The following MAGI2 variants were observed in gnomAD, a reference collection of about 807,000 sequenced individuals.
MAGI2 encodes the protein membrane associated guanylate kinase, WW and PDZ domain containing 2, also known as membrane-associated guanylate kinase, WW and PDZ domain-containing protein 2.
A neutral mutation model predicts 133.3 loss-of-function variants in MAGI2; 35 were observed. The ratio of observed to expected loss-of-function variants is 0.26; its 90% CI spans 0.20 to 0.35. MAGI2 has a LOEUF of 0.35. Ranked by LOEUF, MAGI2 falls within the 10% of genes least tolerant of loss-of-function variation. The pLI, the probability that MAGI2 is intolerant of heterozygous loss-of-function variation, is 1.00. For synonymous variants in MAGI2, 729 were observed against 710.6 expected, an observed-to-expected ratio of 1.03 and a Z score of -0.41; for missense variants, 1,636 against 1,863.4, an observed-to-expected ratio of 0.88 and a Z score of 2.25.
At chr7:78,227,277 C>T (rs184740137) in intron 10 of MAGI2, among the ~76,000 whole-genome samples, 4 of 152,334 alleles carry the variant, frequency 2.6e-5, no homozygotes, top group Admixed American at 2.6e-4. Context: ...CTACACTGGT[C>T]ATCATCATTG....
chr7:78,452,070 T>G (rs2151485306), intron 6 of MAGI2, among the ~76,000 whole-genome samples: 1 of 152,210 alleles, frequency 6.6e-6, no homozygotes, highest in Admixed American at 6.6e-5. Flanking sequence ...GACTATGATG[T>G]TGATGATAGA....
intron 1 of MAGI2, among the ~76,000 whole-genome samples, chr7:79,335,672 A>G: frequency 6.6e-6 from 1 of 152,126 alleles, no homozygotes; most frequent in East Asian, 1.9e-4. Context: ...TTAGTGGACA[A>G]AAGATGGGTA....
At chr7:79,325,950 G>T (rs946618954) in intron 1 of MAGI2, among the ~76,000 whole-genome samples, 60 of 152,092 alleles carry the variant, frequency 3.9e-4, no homozygotes, top group Non-Finnish European at 6.6e-4. Context: ...GAATAGGGGG[G>T]TTCTGCACTT....
intron 1 of MAGI2, among the ~76,000 whole-genome samples, chr7:79,163,683 A>G (rs1016006744): frequency 5.9e-5 from 9 of 152,088 alleles, no homozygotes; most frequent in Admixed American, 2.0e-4. Context: ...TGTGAGTCTG[A>G]TCAAAGAATA....
intron 10 of MAGI2, among the ~76,000 whole-genome samples, chr7:78,221,720 C>T (rs1788846486): frequency 6.6e-6 from 1 of 151,804 alleles, no homozygotes; most frequent in African/African-American, 2.4e-5. Flanking sequence ...AGGCCAGGTG[C>T]AGTGGCTCAC....
At chr7:78,827,973 C>G (rs1227727194) in intron 2 of MAGI2, among the ~76,000 whole-genome samples, 1 of 152,196 alleles carries the variant, frequency 6.6e-6, no homozygotes, top group Non-Finnish European at 1.5e-5. Flanking sequence ...CAACCTCCGC[C>G]TCCCAGGTTC....
intron 1 of MAGI2, among the ~76,000 whole-genome samples, chr7:79,249,483 T>C (rs536257996): frequency 5.3e-5 from 8 of 152,146 alleles, no homozygotes; most frequent in East Asian, 3.9e-4. Flanking sequence ...ATCATTAACA[T>C]AGAAATTCAA....
chr7:78,912,550 A>C (rs981023629), intron 2 of MAGI2, among the ~76,000 whole-genome samples: 5 of 151,950 alleles, frequency 3.3e-5, no homozygotes, highest in African/African-American at 1.2e-4. Flanking sequence ...AGATTGGCTT[A>C]GCCTTCCAGC....
intron 2 of MAGI2, among the ~76,000 whole-genome samples, chr7:78,784,008 G>C (rs992828518): frequency 2.6e-5 from 4 of 152,176 alleles, no homozygotes; most frequent in Admixed American, 1.3e-4. Context: ...AAAAAAAGAA[G>C]TTGACATGTT....
chr7:78,188,784 G>A (rs556728706), intron 12 of MAGI2, among the ~76,000 whole-genome samples: 3 of 152,252 alleles, frequency 2.0e-5, no homozygotes, highest in East Asian at 3.9e-4. Flanking sequence ...TGGCATCCAT[G>A]AATTTATTTA....
intron 10 of MAGI2, among the ~76,000 whole-genome samples, chr7:78,226,334 A>AAAG (rs1789384217): frequency 1.3e-5 from 2 of 151,986 alleles, no homozygotes; most frequent in South Asian, 4.2e-4. Context: ...AAAAAAAAAA[A>AAAG]AAAAGTGGCC....
intron 1 of MAGI2, among the ~76,000 whole-genome samples, chr7:79,036,356 A>G (rs568363026): frequency 8.5e-5 from 13 of 152,290 alleles, no homozygotes; most frequent in African/African-American, 2.6e-4. Context: ...CTTTCACCCA[A>G]TTCATCCCCA....
intron 3 of MAGI2, among the ~76,000 whole-genome samples, chr7:78,580,894 C>G (rs1388703206): frequency 6.6e-6 from 1 of 152,180 alleles, no homozygotes; most frequent in African/African-American, 2.4e-5. Flanking sequence ...ACATCCCACA[C>G]CCTTCCCCAT....
intron 15 of MAGI2, among the ~76,000 whole-genome samples, chr7:78,164,116 C>T (rs988462563): frequency 6.6e-6 from 1 of 152,156 alleles, no homozygotes; most frequent in African/African-American, 2.4e-5. Flanking sequence ...CTCATTTATT[C>T]ACACAGTGAG....
chr7:79,013,657 C>G (rs1168829861), intron 1 of MAGI2, among the ~76,000 whole-genome samples: 2 of 152,194 alleles, frequency 1.3e-5, no homozygotes, highest in Non-Finnish European at 2.9e-5. Context: ...CCTGCCAGAA[C>G]AGCCTCCATT....
At chr7:78,517,745 A>T (rs1329474475) in intron 4 of MAGI2, among the ~76,000 whole-genome samples, 2 of 152,154 alleles carry the variant, frequency 1.3e-5, no homozygotes, top group African/African-American at 4.8e-5. Flanking sequence ...CTGTCCTGAC[A>T]CTGAAAAATC....
intron 1 of MAGI2, among the ~76,000 whole-genome samples, chr7:79,234,778 C>A (rs961810645): frequency 5.4e-4 from 81 of 150,904 alleles, no homozygotes; most frequent in Non-Finnish European, 8.9e-4. Context: ...TCGTCTGAAG[C>A]CTTCTTCTCT....
intron 3 of MAGI2, among the ~76,000 whole-genome samples, chr7:78,592,828 C>CTTTTTTTTTT (rs10675572): frequency 4.7e-5 from 5 of 106,848 alleles, no homozygotes; most frequent in African/African-American, 8.7e-5. Context: ...TACTGATTCT[C>CTTTTTTTTTT]TTTTTTTTTT....
At chr7:78,743,373 G>A (rs926570846) in intron 2 of MAGI2, among the ~76,000 whole-genome samples, 2 of 152,160 alleles carry the variant, frequency 1.3e-5, no homozygotes, top group Non-Finnish European at 1.5e-5. Context: ...ATGAGACAAT[G>A]AATCGTACAA....
Sources: allele counts gnomAD v4.1 joint callset (sites outside exome capture counted in the v4.1 genomes callset), GRCh38; gene constraint gnomAD v4.1.1; transcripts MANE v1.5; gene names NCBI Gene and HGNC (gene_info 2026-07-23, HGNC 2026-07-21).